The following UNC93B1 variants were observed in gnomAD, a reference collection of about 807,000 sequenced individuals.
UNC93B1 encodes the protein protein unc-93 homolog B1.
UNC93B1 carries 33 observed loss-of-function variants against 56.8 expected under a neutral mutation model. That is an observed-to-expected ratio of 0.58 (90% CI 0.44 to 0.78). UNC93B1 has a LOEUF of 0.78. UNC93B1 is among the 30% of genes least tolerant of loss of function. The pLI is 0.00. For missense variants in UNC93B1, 673 were observed against 819.5 expected (o/e 0.82, Z 2.18); for synonymous variants, 334 against 358.6 (o/e 0.93, Z 0.77).
intron 7 of UNC93B1, 160 bp downstream of exon 7, chr11:67,997,515 C>T: frequency 1.5e-6 from 2 of 1,294,466 alleles, no homozygotes; most frequent in Non-Finnish European, 2.1e-6. Context: ...GCACTCGGCC[C>T]TAGCTCCCCA....
intron 3 of UNC93B1, 111 bp downstream of exon 3, chr11:68,002,911 G>C (rs1235634487): frequency 7.2e-7 from 1 of 1,390,834 alleles, no homozygotes; most frequent in Admixed American, 2.8e-5. Flanking sequence ...CCTCTCCCTT[G>C]TTCCCTCGCC....
At chr11:67,999,421 G>A in intron 4 of UNC93B1, 98 bp downstream of exon 4, 2 of 1,547,786 alleles carry the variant, frequency 1.3e-6, no homozygotes, top group East Asian at 4.9e-5. Context: ...GGCCCAGAGG[G>A]CGGAAGGGGC....
intron 6 of UNC93B1, 109 bp from the exon 7 acceptor site, chr11:67,997,908 G>A: frequency 1.3e-6 from 2 of 1,482,982 alleles, no homozygotes; most frequent in Non-Finnish European, 1.8e-6. Context: ...GAGGGCGGGA[G>A]AGTGAGAGCA....
intron 7 of UNC93B1, 51 bp downstream of exon 7, chr11:67,997,624 C>T: frequency 6.3e-7 from 1 of 1,595,552 alleles, no homozygotes. Flanking sequence ...ACTCGGTCCC[C>T]AGAACCACAC....
Position 67,991,211 on chromosome 11 carries a change from G to C in UNC93B1, c.*335C>G, listed in dbSNP as rs751650939. The C allele has an allele frequency of 3.7e-6, 1 of 268,872 alleles. No individual in the cohort carries two copies. Among genetic ancestry groups the C allele is most frequent in the African/African-American group, 2.2e-5 (1 of 45,328 alleles). The allele number at this position is 268,872 out of a possible 1,614,324, so 16.7% of individuals were successfully genotyped here. A position where few individuals can be genotyped will look rare whatever the true frequency, so the allele number is the denominator to read the frequency against. ...GCGCTCACACGCGGCCCGGGTCCGC[G>C]GCCGAGAGCTGTGGGGATCTGGAGC... On this transcript the variant is annotated 3_prime_UTR_variant, in exon 11 of 11. Transcript: ENST00000227471.
chr11:67,997,714 C>G lies in UNC93B1; in HGVS notation c.867G>C (p.Glu289Asp). 1 of 1,608,646 alleles carries G rather than the reference C, an allele frequency of 6.2e-7. No individual in the cohort carries two copies. The highest frequency in any genetic ancestry group is 8.5e-7 in the Non-Finnish European group (1 of 1,179,868). ...LPRSGNLIVVESVLMAVAFLA... is the reference protein window; with the variant it reads ...LPRSGNLIVVDSVLMAVAFLA... The stretch of plus-strand genomic sequence containing the variant: ...GGAAGGCCACTGCCATGAGCACGCT[C>G]TCCACCACAATGAGGTTTCCGCTCC... The change falls in exon 7 of 11, where the codon GAG (glutamate) becomes GAC (aspartate). Residue 289 changes from glutamate to aspartate, a missense_variant. Transcript: ENST00000227471.
At chr11:67,994,564 C>T (rs544977369) in intron 9 of UNC93B1, among the ~76,000 whole-genome samples, 2 of 152,250 alleles carry the variant, frequency 1.3e-5, no homozygotes, top group South Asian at 2.1e-4. Flanking sequence ...AAGGACCCCC[C>T]GGGGTTCACC....
intron 7 of UNC93B1, among the ~76,000 whole-genome samples, chr11:67,997,105 C>A (rs993162389): frequency 6.6e-6 from 1 of 152,052 alleles, no homozygotes; most frequent in Non-Finnish European, 1.5e-5. Context: ...AGACTTCAAC[C>A]TTCCTTCTCA....
In UNC93B1 at chr11:68,003,544, G is replaced by T. The variant is rs1429861195; in HGVS notation, c.238+113C>A. On this transcript the variant is annotated intron_variant, in intron 2 of 10. Transcript: ENST00000227471. The surrounding 1 kb of genome is among the most constrained non-coding windows in gnomAD (Gnocchi z 4.4). ...CGCGGGGGGCCGTGGCTGCAGCTGC[G>T]AGGGCAGCGGAGGGGAAGTGAGAGC... is the stretch of plus-strand genomic sequence containing the variant. 11 of 1,377,802 alleles carry T rather than the reference G, an allele frequency of 8.0e-6. No individual in the cohort carries two copies. The African/African-American group carries it at 1.5e-4, about 19-fold the overall frequency. 85.3% of individuals were successfully genotyped at this position (1,377,802 alleles called of 1,614,324 possible).
chr11:68,003,243 G>T lies in UNC93B1; in HGVS notation c.239-68C>A. 1 of 1,466,578 alleles carries T rather than the reference G, an allele frequency of 6.8e-7. No individual in the cohort carries two copies. The highest frequency in any genetic ancestry group is 9.0e-7 in the Non-Finnish European group (1 of 1,105,836). 90.8% of individuals were successfully genotyped at this position (1,466,578 alleles called of 1,614,324 possible). A position where few individuals can be genotyped will look rare whatever the true frequency, so the allele number is the denominator to read the frequency against. On this transcript the variant is annotated intron_variant, in intron 2 of 10. Coordinates refer to ENST00000227471, the MANE Select transcript of UNC93B1 (RefSeq NM_030930.4). The surrounding 1 kb of genome is among the most constrained non-coding windows in gnomAD (Gnocchi z 4.4). ...TTTGGGCGCCACCGAGCAGAAGACGGCATGCAGGCCTCGCAGGGAGCTCCA... is the reference window on the plus strand; with the variant it reads ...TTTGGGCGCCACCGAGCAGAAGACGTCATGCAGGCCTCGCAGGGAGCTCCA...
chr11:67,999,795 A>AGTCGAG, intron 3 of UNC93B1, 115 bp from the exon 4 acceptor site: 1 of 1,363,546 alleles, frequency 7.3e-7, no homozygotes, highest in Non-Finnish European at 9.9e-7. Flanking sequence ...AGGTAGAGAG[A>AGTCGAG]GTCGAGGGCA....
chr11:67,997,018 C>T (rs1856959748), intron 7 of UNC93B1, among the ~76,000 whole-genome samples: 1 of 151,968 alleles, frequency 6.6e-6, no homozygotes, highest in African/African-American at 2.4e-5. Context: ...AGACGGTGGT[C>T]TTGCCTCCCA....
chr11:68,002,202 A>ACACACACACACACC (rs1308161661), intron 3 of UNC93B1, among the ~76,000 whole-genome samples: 1 of 151,326 alleles, frequency 6.6e-6, no homozygotes, highest in East Asian at 1.9e-4. Context: ...ACACACACAC[A>ACACACACACACACC]CACACACACA....
intron 7 of UNC93B1, 29 bp downstream of exon 7, chr11:67,997,646 G>T: frequency 6.3e-7 from 1 of 1,598,896 alleles, no homozygotes. Context: ...CTGCTTCACT[G>T]ACTGTCCTGC....
chr11:67,994,067 G>A (rs1257583517), intron 9 of UNC93B1, among the ~76,000 whole-genome samples: 3 of 152,234 alleles, frequency 2.0e-5, no homozygotes, highest in Non-Finnish European at 4.4e-5. Flanking sequence ...GGCCTCAAAA[G>A]AAGAAAGCTC....
rs1379782992 is a variant in UNC93B1 at position 68,004,069 on chromosome 11, C to T, written c.-26G>A. On this transcript the variant is annotated 5_prime_UTR_variant, in exon 1 of 11. Transcript: ENST00000227471. ...GGCCCGAACTACTGCGGACTCGCGGCGGTCGCCCCGGAGTCCCTGCGACCG... is the reference window on the plus strand; with the variant it reads ...GGCCCGAACTACTGCGGACTCGCGGTGGTCGCCCCGGAGTCCCTGCGACCG... 5 of 1,319,236 alleles carry T rather than the reference C, an allele frequency of 3.8e-6. No individual in the cohort carries two copies. Among genetic ancestry groups the T allele is most frequent in the Non-Finnish European group, 2.9e-6 (3 of 1,032,410 alleles). 81.7% of individuals were successfully genotyped at this position (1,319,236 alleles called of 1,614,324 possible).
At chr11:67,996,125 C>A (rs1226870555) in intron 8 of UNC93B1, 1 of 255,910 alleles carries the variant, frequency 3.9e-6, no homozygotes, top group Non-Finnish European at 7.4e-6. Flanking sequence ...CGGGGGGGTG[C>A]CTTACCCCCC....
intron 5 of UNC93B1, 22 bp downstream of exon 5, chr11:67,999,151 C>G: frequency 1.2e-6 from 2 of 1,613,602 alleles, no homozygotes; most frequent in Non-Finnish European, 1.7e-6. Context: ...TGCCACCCAA[C>G]AATGGCCCAC....
In UNC93B1 at chr11:68,003,746, C is replaced by A; in HGVS notation, c.149G>T (p.Arg50Leu). 1 of 1,524,786 alleles carries A rather than the reference C, an allele frequency of 6.6e-7. No homozygotes were observed. 94.5% of individuals were successfully genotyped at this position (1,524,786 alleles called of 1,614,324 possible). A position where few individuals can be genotyped will look rare whatever the true frequency, so the allele number is the denominator to read the frequency against. The change falls in exon 2 of 11, where the codon CGC (arginine) becomes CTC (leucine). Residue 50 changes from arginine to leucine, a missense_variant. Arg to Leu is a moderately radical substitution (Grantham distance 102). This residue lies in a region of UNC93B1 where 438 missense variants were observed against 465.9 expected (regional missense o/e 0.94). Coordinates refer to ENST00000227471, the MANE Select transcript of UNC93B1 (RefSeq NM_030930.4). This position sits in a 1 kb window ranked among gnomAD's most constrained non-coding sequence, Gnocchi z 4.4. The stretch of plus-strand genomic sequence containing the variant: ...CAGGCGCTTGCGGCGGTAGTAGCGG[C>A]GCTCCTCCTCCTCCTCGTTGTAGTT... ...YPNYNEEEEERRYYRRKRLGV... is the reference protein window; with the variant it reads ...YPNYNEEEEELRYYRRKRLGV...
Sources: allele counts gnomAD v4.1 joint callset (sites outside exome capture counted in the v4.1 genomes callset), GRCh38; gene constraint gnomAD v4.1.1; regional missense constraint gnomAD v4.1.1; non-coding constraint Gnocchi (gnomAD v3.1); transcripts MANE v1.5; gene names NCBI Gene and HGNC (gene_info 2026-07-23, HGNC 2026-07-21).